Variants in LIMS1 observed in about 807,000 individuals in gnomAD.
The protein encoded by LIMS1 is LIM zinc finger domain containing 1.
A neutral mutation model predicts 44.1 loss-of-function variants in LIMS1; 18 were observed. The ratio of observed to expected loss-of-function variants is 0.41; its 90% CI spans 0.28 to 0.61. The LOEUF (loss-of-function observed/expected upper bound fraction) is 0.61. Ranked by LOEUF, LIMS1 falls within the 20% of genes least tolerant of loss-of-function variation. LIMS1 has a pLI of 0.32. For synonymous variants in LIMS1, 93 were observed against 149.1 expected (o/e 0.62, Z 2.74); for missense variants, 201 against 422.0 (o/e 0.48, Z 4.59).
intron 1 of LIMS1, among the ~76,000 whole-genome samples, chr2:108,641,974 A>G (rs569882309): frequency 5.1e-4 from 78 of 152,168 alleles, no homozygotes; most frequent in Admixed American, 1.8e-3. Context: ...TGTATTTTCC[A>G]TTTGAGCAGG....
At chr2:108,562,692 G>A (rs1685163266) in intron 1 of LIMS1, among the ~76,000 whole-genome samples, 1 of 152,232 alleles carries the variant, frequency 6.6e-6, no homozygotes, top group East Asian at 1.9e-4. Flanking sequence ...AGTGCAAGGT[G>A]AAGCAGCAGG....
chr2:108,675,595 T>C (rs1692488249), intron 5 of LIMS1, among the ~76,000 whole-genome samples: 1 of 152,194 alleles, frequency 6.6e-6, no homozygotes, highest in South Asian at 2.1e-4. Flanking sequence ...TAAAATGTAA[T>C]GTGATAATAT....
intron 1 of LIMS1, among the ~76,000 whole-genome samples, chr2:108,635,420 C>A (rs551394766): frequency 1.1e-3 from 107 of 98,814 alleles, no homozygotes; most frequent in African/African-American, 4.1e-3. Context: ...AAGAGCAAGA[C>A]TTCATCTCTA....
rs375074728 is a variant in LIMS1 at position 108,551,648 on chromosome 2, GTA to G, written c.32+17062_32+17063del. On this transcript the variant is annotated intron_variant, in intron 1 of 9. Coordinates refer to ENST00000544547, the Ensembl canonical transcript of LIMS1. Reference sequence around the variant, plus strand: ...TATGTGTATATATATGTATATATGTGTATATATATGTATATACACATATATAC... The same window carrying G: ...TATGTGTATATATATGTATATATGTGTATATATGTATATACACATATATAC... Among the ~76,000 whole-genome samples, 1,071 of 138,394 alleles carry G rather than the reference GTA, an allele frequency of 7.7e-3. 7 individuals are homozygous for G. The highest frequency in any genetic ancestry group is 0.011 in the Non-Finnish European group (712 of 65,434). 90.8% of individuals were successfully genotyped at this position (138,394 alleles called of 152,430 possible).
At chr2:108,577,896 GT>G (rs1186074202) in intron 1 of LIMS1, among the ~76,000 whole-genome samples, 1 of 152,000 alleles carries the variant, frequency 6.6e-6, no homozygotes, top group Non-Finnish European at 1.5e-5. Flanking sequence ...GAGATTGTAT[GT>G]TTTGTTTTGT....
At chr2:108,684,283 C>A (rs77409099) in exon 10 of LIMS1, 4,370 of 167,074 alleles carry the variant, frequency 0.026, 138 homozygotes, top group South Asian at 0.14. Context: ...TTAAGGCCCC[C>A]AAAAATTAAA....
chr2:108,613,753 C>T (rs1687783291), intron 1 of LIMS1, among the ~76,000 whole-genome samples: 1 of 152,112 alleles, frequency 6.6e-6, no homozygotes, highest in Admixed American at 6.6e-5. Flanking sequence ...AACATGCCAC[C>T]ACCCATGTCT....
intron 1 of LIMS1, among the ~76,000 whole-genome samples, chr2:108,591,408 G>T (rs1376711079): frequency 6.6e-6 from 1 of 152,116 alleles, no homozygotes; most frequent in African/African-American, 2.4e-5. Context: ...CTTGATGTCA[G>T]TAGTTCCGCA....
intron 1 of LIMS1, among the ~76,000 whole-genome samples, chr2:108,562,731 C>A (rs1287404382): frequency 6.6e-6 from 1 of 152,180 alleles, no homozygotes; most frequent in Non-Finnish European, 1.5e-5. Flanking sequence ...ACCAAGTTAT[C>A]CAGAAGATCT....
rs139409054 is a variant in LIMS1, at chr2:108,584,789, A to G, written c.32+50195A>G. Among the ~76,000 whole-genome samples the G allele has an allele frequency of 5.9e-3, 902 of 152,122 alleles. 5 individuals carry two copies. The highest frequency in any genetic ancestry group is 9.9e-3 in the Non-Finnish European group (676 of 67,982). On this transcript the variant is annotated intron_variant, in intron 1 of 9. Coordinates refer to ENST00000544547, the Ensembl canonical transcript of LIMS1. ...AGATGAGGGCCTGTGTGGTATGTGT[A>G]TGTCCCTCTTAGGCTGTGTAAAGTG...
intron 1 of LIMS1, among the ~76,000 whole-genome samples, chr2:108,635,590 A>T (rs1290070232): frequency 1.3e-5 from 2 of 151,672 alleles, no homozygotes; most frequent in African/African-American, 4.8e-5. Context: ...AATCCCAGCT[A>T]CTTGGGAGGC....
chr2:108,658,708 G>C (rs1181384140), intron 1 of LIMS1, among the ~76,000 whole-genome samples: 1 of 152,300 alleles, frequency 6.6e-6, no homozygotes, highest in African/African-American at 2.4e-5. Context: ...AAGGTGTAGT[G>C]AGGCTACCGA....
chr2:108,624,412 G>A (rs1688441710), intron 1 of LIMS1, among the ~76,000 whole-genome samples: 1 of 152,124 alleles, frequency 6.6e-6, no homozygotes, highest in Non-Finnish European at 1.5e-5. Context: ...TAACTGATTA[G>A]AAACAGTACA....
chr2:108,608,624 T>G (rs1254379412), intron 1 of LIMS1, among the ~76,000 whole-genome samples: 1 of 152,154 alleles, frequency 6.6e-6, no homozygotes, highest in Non-Finnish European at 1.5e-5. Flanking sequence ...TTTAAAACAT[T>G]TATTTGTGTA....
At chr2:108,686,680 G>A (rs1452250726) in exon 10 of LIMS1, 1 of 151,880 alleles carries the variant, frequency 6.6e-6, no homozygotes, top group Non-Finnish European at 1.5e-5. Context: ...GGAGGCTGAG[G>A]TAGGAGAATG....
chr2:108,642,294 C>A (rs1474037796), intron 1 of LIMS1, among the ~76,000 whole-genome samples: 1 of 150,114 alleles, frequency 6.7e-6, no homozygotes, highest in Admixed American at 6.6e-5. Flanking sequence ...GTACATAAGT[C>A]CATCATTACT....
chr2:108,539,015 A>G (rs990736484), intron 1 of LIMS1, among the ~76,000 whole-genome samples: 26 of 152,178 alleles, frequency 1.7e-4, no homozygotes, highest in Admixed American at 1.7e-3. Context: ...CCAGTCCTTG[A>G]CTAGTGGTTA....
intron 1 of LIMS1, among the ~76,000 whole-genome samples, chr2:108,611,648 G>A (rs973464427): frequency 6.6e-6 from 1 of 152,028 alleles, no homozygotes. Context: ...GGGAGGCCGG[G>A]GCGTGGGGAT....
intron 1 of LIMS1, among the ~76,000 whole-genome samples, chr2:108,555,939 C>G (rs915741849): frequency 6.6e-6 from 1 of 152,078 alleles, no homozygotes; most frequent in African/African-American, 2.4e-5. Context: ...GCTTTGAAAA[C>G]TTGACTCTTT....
Sources: allele counts gnomAD v4.1 joint callset (sites outside exome capture counted in the v4.1 genomes callset), GRCh38; gene constraint gnomAD v4.1.1; transcripts MANE v1.5; gene names NCBI Gene and HGNC (gene_info 2026-07-23, HGNC 2026-07-21).